Variants in TOP6BL observed in about 807,000 individuals in gnomAD.
TOP6BL encodes type 2 DNA topoisomerase 6 subunit B-like.
chr11:66,841,656 G>C, the TOP6BL span, among the ~76,000 whole-genome samples: 1 of 152,156 alleles, frequency 6.6e-6, no homozygotes, highest in Non-Finnish European at 1.5e-5. Context: ...GTCTTCTACA[G>C]ATGAAAATCT....
the TOP6BL span, among the ~76,000 whole-genome samples, chr11:66,835,067 A>C: frequency 1.3e-5 from 2 of 152,126 alleles, no homozygotes; most frequent in Non-Finnish European, 1.5e-5. Context: ...TGTCCCATAG[A>C]ATGTTAAATC....
the TOP6BL span, among the ~76,000 whole-genome samples, chr11:66,810,752 C>T: frequency 6.6e-6 from 1 of 152,166 alleles, no homozygotes; most frequent in Admixed American, 6.6e-5. Context: ...AAAGGAGAGA[C>T]AGCTTCTTGC....
the TOP6BL span, chr11:66,788,325 A>G: frequency 7.8e-7 from 1 of 1,286,508 alleles, no homozygotes; most frequent in South Asian, 1.3e-5. Context: ...ATTTTTCTGC[A>G]ATCTAATAAC....
the TOP6BL span, among the ~76,000 whole-genome samples, chr11:66,757,555 A>C: frequency 1.3e-5 from 2 of 152,054 alleles, no homozygotes; most frequent in Non-Finnish European, 2.9e-5. Context: ...GTGACTATGG[A>C]GTGCTTGAAA....
At chr11:66,800,755 A>G in the TOP6BL span, 10 of 1,396,356 alleles carry the variant, frequency 7.2e-6, no homozygotes, top group South Asian at 2.6e-5. Flanking sequence ...TTTCTCAGCT[A>G]TTATTGTCCT....
the TOP6BL span, chr11:66,788,158 A>G: frequency 1.2e-6 from 2 of 1,605,356 alleles, no homozygotes; most frequent in Non-Finnish European, 1.7e-6. Flanking sequence ...CTTCTCACAC[A>G]GAAATACAGT....
At chr11:66,827,949 A>G in the TOP6BL span, among the ~76,000 whole-genome samples, 70 of 129,608 alleles carry the variant, frequency 5.4e-4, no homozygotes, top group Non-Finnish European at 9.8e-4. Flanking sequence ...TGGGTGACAG[A>G]GCAAGACTCT....
At chr11:66,809,332 T>C in the TOP6BL span, among the ~76,000 whole-genome samples, 1 of 152,218 alleles carries the variant, frequency 6.6e-6, no homozygotes, top group Non-Finnish European at 1.5e-5. Context: ...GTTAGACTAA[T>C]AGTGTTAATG....
At chr11:66,774,807 G>A in the TOP6BL span, among the ~76,000 whole-genome samples, 2 of 149,176 alleles carry the variant, frequency 1.3e-5, no homozygotes, top group African/African-American at 4.9e-5. Flanking sequence ...TCTTGGCTAT[G>A]AGTTTTATAA....
the TOP6BL span, among the ~76,000 whole-genome samples, chr11:66,769,763 CAG>C: frequency 6.6e-6 from 1 of 151,350 alleles, no homozygotes; most frequent in East Asian, 1.9e-4. Flanking sequence ...TTTTTTGAGA[CAG>C]AGTCTCACTC....
At chr11:66,759,060 C>T in the TOP6BL span, 1 of 1,566,980 alleles carries the variant, frequency 6.4e-7, no homozygotes, top group Non-Finnish European at 8.7e-7. Flanking sequence ...TGCAGGAAGC[C>T]TTTTTGGTGG....
At chr11:66,779,866 T>C in the TOP6BL span, among the ~76,000 whole-genome samples, 3 of 152,100 alleles carry the variant, frequency 2.0e-5, no homozygotes, top group Admixed American at 2.0e-4. Flanking sequence ...TGTAGGGACA[T>C]GGATGAAGCT....
the TOP6BL span, chr11:66,843,048 G>A: frequency 1.9e-6 from 3 of 1,562,344 alleles, no homozygotes; most frequent in South Asian, 3.5e-5. Flanking sequence ...CGGGCAGGGC[G>A]AGCCTCGGAA....
chr11:66,761,921 G>C, the TOP6BL span: 1 of 1,359,998 alleles, frequency 7.4e-7, no homozygotes, highest in Non-Finnish European at 1.1e-6. Flanking sequence ...CCACGAAATG[G>C]GGAGTTGATA....
the TOP6BL span, among the ~76,000 whole-genome samples, chr11:66,748,177 G>A: frequency 6.6e-6 from 1 of 152,060 alleles, no homozygotes; most frequent in Non-Finnish European, 1.5e-5. Flanking sequence ...GAATTTCACT[G>A]ACTCTTTTCT....
the TOP6BL span, among the ~76,000 whole-genome samples, chr11:66,811,444 G>T: frequency 6.6e-6 from 1 of 152,138 alleles, no homozygotes; most frequent in Non-Finnish European, 1.5e-5. Flanking sequence ...CGCCTGCCTT[G>T]GCCTCCCAAA....
the TOP6BL span, among the ~76,000 whole-genome samples, chr11:66,829,813 C>T: frequency 6.6e-6 from 1 of 152,076 alleles, no homozygotes; most frequent in Admixed American, 6.6e-5. Flanking sequence ...TGCATGAGCC[C>T]AGGAGGCAGA....
chr11:66,778,111 GAGAC>G, the TOP6BL span, among the ~76,000 whole-genome samples: 1 of 140,840 alleles, frequency 7.1e-6, no homozygotes, highest in Non-Finnish European at 1.5e-5. Context: ...TTTTTTTTAA[GAGAC>G]AGTCTCAAAC....
chr11:66,821,971 C>A, the TOP6BL span, among the ~76,000 whole-genome samples: 1 of 152,164 alleles, frequency 6.6e-6, no homozygotes, highest in East Asian at 1.9e-4. Context: ...CTTAGTCTTA[C>A]CTCCTAGTAG....
Sources: allele counts gnomAD v4.1 joint callset (sites outside exome capture counted in the v4.1 genomes callset), GRCh38; gene constraint gnomAD v4.1.1; transcripts MANE v1.5; gene names NCBI Gene and HGNC (gene_info 2026-07-23, HGNC 2026-07-21).